The following ROBO2 variants were observed in gnomAD, a reference collection of about 807,000 sequenced individuals.
The protein encoded by ROBO2 is roundabout homolog 2.
In ROBO2, 53 loss-of-function variants were observed where a neutral mutation model predicts 160.8. The ratio of observed to expected loss-of-function variants is 0.33; its 90% CI spans 0.26 to 0.41. ROBO2 has a LOEUF of 0.41. ROBO2 is among the 10% of genes least tolerant of loss of function. The pLI, the probability that ROBO2 is intolerant of heterozygous loss-of-function variation, is 1.00. For missense variants in ROBO2, 1,577 were observed against 1,722.4 expected (o/e 0.92, Z 1.49); for synonymous variants, 664 against 611.7 (o/e 1.09, Z -1.26).
At chr3:76,049,401 A>ATTTT (rs1306305555) in intron 2 of ROBO2, among the ~76,000 whole-genome samples, 29 of 63,738 alleles carry the variant, frequency 4.5e-4, no homozygotes, top group African/African-American at 2.3e-3. Context: ...ATATATATAT[A>ATTTT]TATTTTTTTT....
chr3:77,040,929 G>T (rs953189714), intron 1 of ROBO2, 83 bp downstream of exon 1: 12 of 1,556,450 alleles, frequency 7.7e-6, no homozygotes, highest in African/African-American at 1.4e-5. Context: ...TTTGATGTGG[G>T]TTATAAATGA....
At chr3:76,182,715 C>T (rs367598192) in intron 2 of ROBO2, among the ~76,000 whole-genome samples, 15 of 152,228 alleles carry the variant, frequency 9.9e-5, no homozygotes, top group South Asian at 6.2e-4. Context: ...AGTCAGGAGG[C>T]GCAAATTAGA....
chr3:76,373,016 C>T (rs1267619355), intron 2 of ROBO2, among the ~76,000 whole-genome samples: 1 of 151,992 alleles, frequency 6.6e-6, no homozygotes, highest in African/African-American at 2.4e-5. Flanking sequence ...CATATGTGAG[C>T]ATCAGCATGA....
rs574979543 is a variant in ROBO2 at position 77,239,972 on chromosome 3, A to C, written c.388+141632A>C. Reference sequence around the variant, plus strand: ...CTGATTGGTGCATATACAATCCTCTAGCTAGAGATAAAAGTTCTCCAAGTC... The same window carrying C: ...CTGATTGGTGCATATACAATCCTCTCGCTAGAGATAAAAGTTCTCCAAGTC... On this transcript the variant is annotated intron_variant, in intron 2 of 25. Coordinates refer to ENST00000461745, the Ensembl canonical transcript of ROBO2. Among the ~76,000 whole-genome samples, 6 of 152,320 alleles carry C rather than the reference A, an allele frequency of 3.9e-5. No individual in the cohort carries two copies. The South Asian group carries it at 1.2e-3, about 32-fold the overall frequency.
At chr3:77,536,534 T>C (rs529924716) in intron 6 of ROBO2, among the ~76,000 whole-genome samples, 1 of 152,250 alleles carries the variant, frequency 6.6e-6, no homozygotes, top group South Asian at 2.1e-4. Context: ...TTTTGCTTAG[T>C]ATGTATTGTA....
chr3:77,388,223 G>A (rs375841386), intron 2 of ROBO2, among the ~76,000 whole-genome samples: 7 of 151,758 alleles, frequency 4.6e-5, no homozygotes, highest in African/African-American at 1.7e-4. Flanking sequence ...AAGGATGCAG[G>A]GTTATCTTTT....
chr3:75,999,345 C>T (rs887228289), intron 2 of ROBO2, among the ~76,000 whole-genome samples: 3 of 152,114 alleles, frequency 2.0e-5, no homozygotes, highest in Admixed American at 1.3e-4. Flanking sequence ...AATCAAGGAA[C>T]ATTAAATGTC....
At chr3:77,415,779 T>C (rs528581321) in intron 2 of ROBO2, among the ~76,000 whole-genome samples, 3 of 151,986 alleles carry the variant, frequency 2.0e-5, no homozygotes, top group East Asian at 3.9e-4. Flanking sequence ...ACCTAGGGGT[T>C]TTATGGCTCT....
chr3:76,590,877 T>C (rs2086371949), intron 2 of ROBO2, among the ~76,000 whole-genome samples: 4 of 152,166 alleles, frequency 2.6e-5, no homozygotes, highest in Admixed American at 2.6e-4. Flanking sequence ...GTATGTGGTA[T>C]TATGCACCTT....
At chr3:76,901,568 C>CAAAAAAAAAAAAAAAAAAAAA (rs34372046) in intron 2 of ROBO2, among the ~76,000 whole-genome samples, 1 of 75,878 alleles carries the variant, frequency 1.3e-5, no homozygotes, top group Non-Finnish European at 2.3e-5. Context: ...AATTTCATCT[C>CAAAAAAAAAAAAAAAAAAAAA]AAAAAAAAAA....
intron 13 of ROBO2, among the ~76,000 whole-genome samples, chr3:77,569,285 C>G (rs2093577083): frequency 6.6e-6 from 1 of 152,036 alleles, no homozygotes; most frequent in Non-Finnish European, 1.5e-5. Context: ...TTTCAGTGTT[C>G]CAGATTCTCT....
intron 2 of ROBO2, among the ~76,000 whole-genome samples, chr3:76,084,356 A>T (rs1266857650): frequency 6.6e-6 from 1 of 152,152 alleles, no homozygotes; most frequent in Non-Finnish European, 1.5e-5. Flanking sequence ...TTAGTCATTT[A>T]TCATGTGCCA....
At chr3:76,473,113 C>T (rs1018968780) in intron 2 of ROBO2, among the ~76,000 whole-genome samples, 11 of 152,288 alleles carry the variant, frequency 7.2e-5, no homozygotes, top group African/African-American at 2.6e-4. Flanking sequence ...TACACATCAA[C>T]ACTCCACATC....
chr3:77,356,512 GAA>G (rs1434927224), intron 2 of ROBO2, among the ~76,000 whole-genome samples: 1 of 151,998 alleles, frequency 6.6e-6, no homozygotes, highest in East Asian at 1.9e-4. Flanking sequence ...TAGACGAAAA[GAA>G]ATACATTTTT....
At chr3:77,469,094 T>TATC (rs997889876) in intron 2 of ROBO2, among the ~76,000 whole-genome samples, 1 of 152,250 alleles carries the variant, frequency 6.6e-6, no homozygotes, top group African/African-American at 2.4e-5. Flanking sequence ...TGACAATCTT[T>TATC]ATCAGTTGTT....
At chr3:76,299,519 C>G (rs143522527) in intron 2 of ROBO2, among the ~76,000 whole-genome samples, 1 of 152,236 alleles carries the variant, frequency 6.6e-6, no homozygotes, top group African/African-American at 2.4e-5. Context: ...TCATAAAGAC[C>G]TACCAGCTCA....
chr3:77,343,672 T>C (rs2067313329), intron 2 of ROBO2, among the ~76,000 whole-genome samples: 1 of 152,158 alleles, frequency 6.6e-6, no homozygotes, highest in African/African-American at 2.4e-5. Context: ...TATAATTTGC[T>C]CTTGACATAC....
At chr3:76,643,268 G>T (rs1447365859) in intron 2 of ROBO2, among the ~76,000 whole-genome samples, 1 of 152,074 alleles carries the variant, frequency 6.6e-6, no homozygotes, top group Non-Finnish European at 1.5e-5. Context: ...TAGCAATTCA[G>T]CCAAAAGAAG....
At chr3:76,236,516 G>A (rs17140541) in intron 2 of ROBO2, among the ~76,000 whole-genome samples, 2,436 of 152,172 alleles carry the variant, frequency 0.016, 98 homozygotes, top group East Asian at 0.14. Context: ...TCTTGCAAAA[G>A]CAATTGACAA....
Sources: gnomAD v4.1 joint callset for allele counts (sites outside exome capture counted in the v4.1 genomes callset) on GRCh38, gnomAD v4.1.1 for gene constraint, MANE v1.5 for transcripts, NCBI Gene and HGNC (gene_info 2026-07-23, HGNC 2026-07-21) for gene names.